ZMAT4: variants seen among roughly 807,000 people sequenced by gnomAD.
The protein encoded by ZMAT4 is zinc finger matrin-type 4.
ZMAT4 carries 17 observed loss-of-function variants against 28.7 expected under a neutral mutation model. The observed-to-expected ratio is 0.59, with a 90% confidence interval of 0.41 to 0.89. The LOEUF (loss-of-function observed/expected upper bound fraction) is 0.89, where lower values mean the gene tolerates loss of function less well. Ranked by LOEUF, ZMAT4 falls within the 40% of genes least tolerant of loss-of-function variation. ZMAT4 has a pLI of 0.00. For synonymous variants in ZMAT4, 117 were observed against 109.2 expected (o/e 1.07, Z -0.44); for missense variants, 240 against 283.8 (o/e 0.85, Z 1.11).
intron 2 of ZMAT4, among the ~76,000 whole-genome samples, chr8:40,778,845 T>C (rs1813708959): frequency 6.6e-6 from 1 of 152,206 alleles, no homozygotes; most frequent in African/African-American, 2.4e-5. Context: ...AGGGAATTTC[T>C]GAAATACGTA....
chr8:40,732,125 G>C (rs1016391507), intron 3 of ZMAT4, among the ~76,000 whole-genome samples: 1 of 152,120 alleles, frequency 6.6e-6, no homozygotes, highest in African/African-American at 2.4e-5. Flanking sequence ...GATGGAGAGA[G>C]TTCTAGAGAC....
chr8:40,881,455 GAAAGA>G (rs1487951801), intron 1 of ZMAT4, among the ~76,000 whole-genome samples: 2 of 133,212 alleles, frequency 1.5e-5, no homozygotes, highest in African/African-American at 5.8e-5. Flanking sequence ...AAGAAAGAAA[GAAAGA>G]AAGAAAGAAA....
At chr8:40,782,524 G>T (rs555022724) in intron 2 of ZMAT4, among the ~76,000 whole-genome samples, 2 of 152,072 alleles carry the variant, frequency 1.3e-5, no homozygotes, top group African/African-American at 2.4e-5. Flanking sequence ...CAATTTTTTC[G>T]ACTTAATTAT....
intron 3 of ZMAT4, among the ~76,000 whole-genome samples, chr8:40,708,021 A>C (rs1397067316): frequency 2.0e-5 from 3 of 152,216 alleles, no homozygotes; most frequent in African/African-American, 7.2e-5. Context: ...ATAGAACTAG[A>C]AAGGCAAATA....
intron 2 of ZMAT4, among the ~76,000 whole-genome samples, chr8:40,807,310 T>G (rs1227912857): frequency 2.6e-5 from 4 of 151,868 alleles, no homozygotes; most frequent in African/African-American, 9.7e-5. Flanking sequence ...GGCATGGTGG[T>G]GGAAGCCTGT....
intron 2 of ZMAT4, among the ~76,000 whole-genome samples, chr8:40,820,107 A>C (rs1332127056): frequency 6.6e-6 from 1 of 151,850 alleles, no homozygotes; most frequent in Non-Finnish European, 1.5e-5. Flanking sequence ...CATAGTTTAC[A>C]AAAACCCATG....
intron 3 of ZMAT4, among the ~76,000 whole-genome samples, chr8:40,754,689 G>T (rs990635798): frequency 1.3e-5 from 2 of 152,124 alleles, no homozygotes; most frequent in Non-Finnish European, 2.9e-5. Context: ...TCAGGAATTT[G>T]GGTTACCATA....
At chr8:40,827,995 A>G (rs533330198) in intron 1 of ZMAT4, among the ~76,000 whole-genome samples, 2 of 152,326 alleles carry the variant, frequency 1.3e-5, no homozygotes, top group East Asian at 3.9e-4. Context: ...ATCTACTTCC[A>G]AGTCCTACCC....
chr8:40,667,759 A>G (rs761879565), intron 5 of ZMAT4, among the ~76,000 whole-genome samples: 2 of 151,534 alleles, frequency 1.3e-5, no homozygotes, highest in Non-Finnish European at 2.9e-5. Flanking sequence ...GATTTGATAT[A>G]TATTATGGAT....
chr8:40,573,049 G>T (rs1353146862), intron 6 of ZMAT4, among the ~76,000 whole-genome samples: 1 of 152,120 alleles, frequency 6.6e-6, no homozygotes, highest in South Asian at 2.1e-4. Context: ...CTACAAGAAT[G>T]CTGTGCATTT....
chr8:40,873,376 C>G (rs1329270173), intron 1 of ZMAT4, among the ~76,000 whole-genome samples: 1 of 152,174 alleles, frequency 6.6e-6, no homozygotes, highest in Non-Finnish European at 1.5e-5. Context: ...GTTGCCATGA[C>G]CTTTCCTGTG....
At chr8:40,730,635 G>A (rs185466932) in intron 3 of ZMAT4, among the ~76,000 whole-genome samples, 2 of 152,292 alleles carry the variant, frequency 1.3e-5, no homozygotes, top group East Asian at 3.9e-4. Flanking sequence ...GTGTGTCTGA[G>A]TGGGATTGAC....
intron 3 of ZMAT4, among the ~76,000 whole-genome samples, chr8:40,758,555 T>C (rs1011526090): frequency 2.6e-5 from 4 of 152,230 alleles, no homozygotes; most frequent in Non-Finnish European, 5.9e-5. Flanking sequence ...AGATTTTCTG[T>C]AAATGACAAT....
At chr8:40,880,775 C>G (rs1320689574) in intron 1 of ZMAT4, among the ~76,000 whole-genome samples, 1 of 152,158 alleles carries the variant, frequency 6.6e-6, no homozygotes, top group Non-Finnish European at 1.5e-5. Flanking sequence ...GGGAGTTAAA[C>G]ATCCTTCCAT....
chr8:40,804,035 A>T (rs1370314082), intron 2 of ZMAT4, among the ~76,000 whole-genome samples: 2 of 152,226 alleles, frequency 1.3e-5, no homozygotes, highest in Admixed American at 6.5e-5. Context: ...AAAAGGCAAA[A>T]CTAAGGACAC....
At chr8:40,890,820 C>T (rs999522861) in intron 1 of ZMAT4, among the ~76,000 whole-genome samples, 6 of 151,940 alleles carry the variant, frequency 3.9e-5, no homozygotes, top group East Asian at 2.0e-4. Flanking sequence ...GCCAATCATG[C>T]GCTGGATGGA....
chr8:40,847,301 T>G (rs753133458), intron 1 of ZMAT4, among the ~76,000 whole-genome samples: 5 of 151,778 alleles, frequency 3.3e-5, no homozygotes, highest in Non-Finnish European at 7.4e-5. Context: ...AAAAAATGCG[T>G]AGAGTCATAT....
chr8:40,574,812 A>T (rs1182854075), intron 6 of ZMAT4, among the ~76,000 whole-genome samples: 1 of 152,178 alleles, frequency 6.6e-6, no homozygotes, highest in African/African-American at 2.4e-5. Flanking sequence ...AGACACCTGT[A>T]GTTCTTACTA....
chr8:40,795,107 A>G (rs1814532490), intron 2 of ZMAT4, among the ~76,000 whole-genome samples: 1 of 152,154 alleles, frequency 6.6e-6, no homozygotes, highest in African/African-American at 2.4e-5. Flanking sequence ...TCCTGGCATT[A>G]TGGTATAACT....
Sources: allele counts gnomAD v4.1 joint callset (sites outside exome capture counted in the v4.1 genomes callset), GRCh38; gene constraint gnomAD v4.1.1; transcripts MANE v1.5; gene names NCBI Gene and HGNC (gene_info 2026-07-23, HGNC 2026-07-21).